GRID2: variants seen among roughly 807,000 people sequenced by gnomAD.
The protein encoded by GRID2 is glutamate receptor ionotropic, delta-2.
Under a neutral mutation model 114.8 loss-of-function variants are expected in GRID2, and 33 were observed. The observed-to-expected ratio is 0.29, with a 90% CI of 0.22 to 0.38. The LOEUF (loss-of-function observed/expected upper bound fraction) is 0.38, where lower values mean the gene tolerates loss of function less well. Among genes scored for constraint, GRID2 ranks in the 10% least tolerant of loss-of-function variants. GRID2 has a pLI of 1.00. For synonymous variants in GRID2, 505 were observed against 449.9 expected (o/e 1.12, Z -1.55); for missense variants, 1,184 against 1,257.7 (o/e 0.94, Z 0.89).
chr4:92,503,673 T>C (rs1378484313), intron 1 of GRID2, among the ~76,000 whole-genome samples: 1 of 152,140 alleles, frequency 6.6e-6, no homozygotes, highest in Non-Finnish European at 1.5e-5. Context: ...CATGATTTCC[T>C]TCCCACTGAA....
At chr4:93,312,029 A>G (rs533122988) in intron 8 of GRID2, among the ~76,000 whole-genome samples, 3 of 152,192 alleles carry the variant, frequency 2.0e-5, no homozygotes, top group South Asian at 2.1e-4. Flanking sequence ...ATTTGAATAT[A>G]TGTATATTCT....
chr4:92,581,137 T>C (rs1011927270), intron 1 of GRID2, among the ~76,000 whole-genome samples: 5 of 151,730 alleles, frequency 3.3e-5, no homozygotes, highest in Non-Finnish European at 7.4e-5. Context: ...AGTTAAACAT[T>C]GCTGCCTTTA....
intron 2 of GRID2, among the ~76,000 whole-genome samples, chr4:92,920,630 A>AT (rs1749238553): frequency 6.6e-6 from 1 of 152,174 alleles, no homozygotes; most frequent in Admixed American, 6.5e-5. Flanking sequence ...TGGATATGAA[A>AT]TTCTGGGTTG....
intron 1 of GRID2, among the ~76,000 whole-genome samples, chr4:92,454,183 C>A (rs911774505): frequency 6.6e-6 from 1 of 152,096 alleles, no homozygotes; most frequent in African/African-American, 2.4e-5. Context: ...ATGTGTTTTT[C>A]TTTCCCACAT....
chr4:92,803,296 A>G lies in GRID2; in HGVS notation c.244+213010A>G, dbSNP rs141352480. Among the ~76,000 whole-genome samples, 932 of 152,078 alleles carry G rather than the reference A, an allele frequency of 6.1e-3. 11 individuals are homozygous for G. Among genetic ancestry groups the G allele is most frequent in the African/African-American group, 0.021 (883 of 41,534 alleles). ...TTTGTGATCACAAAAGTAAGGTGTA[A>G]TTCAGGAGTTTTCCTGGAGTCCCCA... On this transcript the variant is annotated intron_variant, in intron 2 of 15. Coordinates refer to ENST00000282020, the MANE Select transcript of GRID2 (RefSeq NM_001510.4).
At chr4:93,370,093 G>A (rs1270996589) in intron 8 of GRID2, among the ~76,000 whole-genome samples, 1 of 151,922 alleles carries the variant, frequency 6.6e-6, no homozygotes, top group Non-Finnish European at 1.5e-5. Flanking sequence ...CTTAGGTTAA[G>A]CCCAATTTAT....
chr4:92,954,766 T>A (rs1159490447), intron 2 of GRID2, among the ~76,000 whole-genome samples: 3 of 90,536 alleles, frequency 3.3e-5, no homozygotes, highest in Admixed American at 1.3e-4. Flanking sequence ...CCCTCCCCCC[T>A]CCCCCCACCC....
intron 2 of GRID2, among the ~76,000 whole-genome samples, chr4:92,997,522 A>C (rs142065645): frequency 2.5e-4 from 38 of 152,282 alleles, no homozygotes; most frequent in African/African-American, 8.7e-4. Context: ...AGAAAGAAAC[A>C]GTTTCTTGGA....
At chr4:93,001,174 A>G (rs899482787) in intron 2 of GRID2, among the ~76,000 whole-genome samples, 6 of 151,660 alleles carry the variant, frequency 4.0e-5, no homozygotes, top group Non-Finnish European at 8.9e-5. Context: ...TATATTCAGC[A>G]TACACTTTAA....
chr4:93,056,327 G>T (rs1235203837), intron 2 of GRID2, among the ~76,000 whole-genome samples: 1 of 151,866 alleles, frequency 6.6e-6, no homozygotes, highest in African/African-American at 2.4e-5. Context: ...AGGTCTGGAG[G>T]AAGAACCACA....
At chr4:92,727,434 T>C (rs1173820497) in intron 2 of GRID2, among the ~76,000 whole-genome samples, 1 of 152,096 alleles carries the variant, frequency 6.6e-6, no homozygotes, top group Non-Finnish European at 1.5e-5. Context: ...AACCAAATTT[T>C]GACCCTCAAA....
At chr4:92,359,924 G>C (rs1728533393) in intron 1 of GRID2, among the ~76,000 whole-genome samples, 2 of 151,968 alleles carry the variant, frequency 1.3e-5, no homozygotes, top group Non-Finnish European at 2.9e-5. Flanking sequence ...TTGGGTACCA[G>C]AGGCAGCAGT....
At chr4:92,492,852 G>T (rs1723206697) in intron 1 of GRID2, among the ~76,000 whole-genome samples, 1 of 152,098 alleles carries the variant, frequency 6.6e-6, no homozygotes. Context: ...TTTTAGGCCA[G>T]GCGCAGTGGC....
intron 2 of GRID2, among the ~76,000 whole-genome samples, chr4:92,992,156 A>G (rs1754944951): frequency 6.6e-6 from 1 of 152,182 alleles, no homozygotes; most frequent in Non-Finnish European, 1.5e-5. Context: ...ATGTATCTTT[A>G]CATTTTCACT....
intron 2 of GRID2, among the ~76,000 whole-genome samples, chr4:92,900,833 CAAAAAAAAAAAAAAA>C (rs34089162): frequency 1.4e-5 from 1 of 72,332 alleles, no homozygotes; most frequent in African/African-American, 5.3e-5. Flanking sequence ...GACTTCGTCT[CAAAAAAAAAAAAAAA>C]AAAAAAAAAA....
intron 2 of GRID2, among the ~76,000 whole-genome samples, chr4:92,614,375 C>T (rs62307889): frequency 0.046 from 7,023 of 151,548 alleles, 206 homozygotes; most frequent in East Asian, 0.094. Flanking sequence ...CATAATTTTG[C>T]GGTTAACACT....
chr4:93,594,950 G>T (rs1018234090), intron 13 of GRID2, among the ~76,000 whole-genome samples: 1 of 152,176 alleles, frequency 6.6e-6, no homozygotes, highest in Admixed American at 6.5e-5. Context: ...TGCACCCACT[G>T]TCTGGCACTC....
At chr4:93,660,059 A>G (rs1319095584) in intron 14 of GRID2, among the ~76,000 whole-genome samples, 1 of 152,156 alleles carries the variant, frequency 6.6e-6, no homozygotes, top group African/African-American at 2.4e-5. Context: ...TTCTAAAAAA[A>G]AAATTTTTAT....
In GRID2 at chr4:93,302,850, G is replaced by T. The variant is rs149867351; in HGVS notation, c.1245+64360G>T. On this transcript the variant is annotated intron_variant, in intron 8 of 15. Coordinates refer to ENST00000282020, the MANE Select transcript of GRID2 (RefSeq NM_001510.4). ...ATGAATATTTCCATGTTTCTGTAGA[G>T]CCTGGGCTTTTTTAGCAAAAGCTGA... Among the ~76,000 whole-genome samples, 646 of 152,290 alleles carry T rather than the reference G, an allele frequency of 4.2e-3. 3 individuals carry two copies. The highest frequency in any genetic ancestry group is 0.015 in the African/African-American group (617 of 41,562).
Sources: gnomAD v4.1 joint callset for allele counts (sites outside exome capture counted in the v4.1 genomes callset) on GRCh38, gnomAD v4.1.1 for gene constraint, MANE v1.5 for transcripts, NCBI Gene and HGNC (gene_info 2026-07-23, HGNC 2026-07-21) for gene names.